Variants in DLG2 observed in about 807,000 individuals in gnomAD.
The protein encoded by DLG2 is disks large homolog 2.
DLG2 carries 45 observed loss-of-function variants against 132.5 expected under a neutral mutation model. The ratio of observed to expected loss-of-function variants is 0.34; its 90% CI spans 0.27 to 0.44. The LOEUF (loss-of-function observed/expected upper bound fraction) is 0.44. Ranked by LOEUF, DLG2 falls within the 20% of genes least tolerant of loss-of-function variation. The pLI is 1.00. For missense variants in DLG2, 1,045 were observed against 1,196.9 expected (o/e 0.87, Z 1.87); for synonymous variants, 424 against 419.6 (o/e 1.01, Z -0.13).
chr11:84,813,580 T>A (rs1781987016), intron 6 of DLG2, among the ~76,000 whole-genome samples: 1 of 152,070 alleles, frequency 6.6e-6, no homozygotes, highest in South Asian at 2.1e-4. Context: ...GGTGTGGGAC[T>A]CAAAGATATG....
intron 18 of DLG2, among the ~76,000 whole-genome samples, chr11:83,727,420 A>G (rs930278326): frequency 1.3e-5 from 2 of 152,192 alleles, no homozygotes; most frequent in African/African-American, 4.8e-5. Flanking sequence ...TGTGGTGCAC[A>G]GGGGAGAGGT....
chr11:84,161,461 G>A (rs771897491), intron 9 of DLG2, among the ~76,000 whole-genome samples: 58 of 152,114 alleles, frequency 3.8e-4, no homozygotes, highest in Non-Finnish European at 7.6e-4. Context: ...GGCAGTTAAT[G>A]GCAGTAACAA....
chr11:83,868,541 C>T (rs375131359), intron 16 of DLG2, among the ~76,000 whole-genome samples: 40 of 151,930 alleles, frequency 2.6e-4, no homozygotes, highest in East Asian at 1.7e-3. Flanking sequence ...TATACATATA[C>T]ATAAATACAC....
intron 7 of DLG2, among the ~76,000 whole-genome samples, chr11:84,493,147 G>A (rs1027530795): frequency 1.3e-5 from 2 of 151,776 alleles, no homozygotes; most frequent in African/African-American, 2.4e-5. Flanking sequence ...ATGTCCATCA[G>A]CTTGGGGACA....
At chr11:83,551,293 C>T (rs1416953104) in intron 19 of DLG2, among the ~76,000 whole-genome samples, 2 of 152,144 alleles carry the variant, frequency 1.3e-5, no homozygotes, top group Non-Finnish European at 2.9e-5. Context: ...CTGTTACTCA[C>T]TGGAATATAA....
chr11:84,280,652 T>G (rs913411934), intron 7 of DLG2, among the ~76,000 whole-genome samples: 3 of 152,090 alleles, frequency 2.0e-5, no homozygotes, highest in Non-Finnish European at 4.4e-5. Flanking sequence ...GAATCCCAGA[T>G]AGTGACTACA....
chr11:83,852,976 T>G (rs899507378), intron 16 of DLG2, among the ~76,000 whole-genome samples: 1 of 152,224 alleles, frequency 6.6e-6, no homozygotes, highest in Non-Finnish European at 1.5e-5. Flanking sequence ...AGTTATTCAT[T>G]AACTATTTCC....
intron 3 of DLG2, among the ~76,000 whole-genome samples, chr11:85,546,357 CTGTT>C (rs1282737019): frequency 6.6e-6 from 1 of 152,126 alleles, no homozygotes; most frequent in Non-Finnish European, 1.5e-5. Context: ...GTCTGAGAGA[CTGTT>C]TGTTATGATT....
At chr11:83,868,967 C>T (rs1440304254) in intron 16 of DLG2, among the ~76,000 whole-genome samples, 2 of 152,118 alleles carry the variant, frequency 1.3e-5, no homozygotes, top group East Asian at 1.9e-4. Context: ...TCCAACGGTC[C>T]CTTAAAAGTT....
intron 7 of DLG2, among the ~76,000 whole-genome samples, chr11:84,434,687 T>G (rs560601873): frequency 2.0e-5 from 3 of 152,150 alleles, no homozygotes; most frequent in African/African-American, 7.2e-5. Context: ...TTTGTGATGC[T>G]ACTGAGTTCT....
chr11:85,428,189 C>A (rs1167048033), intron 3 of DLG2, among the ~76,000 whole-genome samples: 3 of 152,190 alleles, frequency 2.0e-5, no homozygotes, highest in Admixed American at 1.3e-4. Flanking sequence ...GAGACTATAA[C>A]ACCCCACTGT....
chr11:84,608,191 T>C (rs889826669), intron 6 of DLG2, among the ~76,000 whole-genome samples: 1 of 152,188 alleles, frequency 6.6e-6, no homozygotes, highest in Non-Finnish European at 1.5e-5. Flanking sequence ...GCCCTGGCAC[T>C]GGCCAGTGAG....
At chr11:84,678,720 C>T (rs2099721243) in intron 6 of DLG2, among the ~76,000 whole-genome samples, 2 of 151,886 alleles carry the variant, frequency 1.3e-5, no homozygotes. Flanking sequence ...TATATTTATA[C>T]CCTGATTAAA....
At chr11:84,871,896 A>G (rs2085526425) in intron 6 of DLG2, among the ~76,000 whole-genome samples, 1 of 152,086 alleles carries the variant, frequency 6.6e-6, no homozygotes, top group South Asian at 2.1e-4. Flanking sequence ...GCTGCTCTCA[A>G]ACTCCTGACC....
intron 11 of DLG2, among the ~76,000 whole-genome samples, chr11:84,012,871 AC>A (rs1345918374): frequency 6.6e-6 from 1 of 152,124 alleles, no homozygotes; most frequent in Non-Finnish European, 1.5e-5. Context: ...TCTAGCCTTT[AC>A]TTAAATACAC....
chr11:84,583,326 G>A (rs1056708325), intron 6 of DLG2, among the ~76,000 whole-genome samples: 7 of 152,160 alleles, frequency 4.6e-5, no homozygotes, highest in African/African-American at 1.7e-4. Context: ...CACAGATGCA[G>A]AAGATATGTC....
chr11:84,190,415 A>G (rs1354106781), intron 8 of DLG2, among the ~76,000 whole-genome samples: 1 of 152,178 alleles, frequency 6.6e-6, no homozygotes, highest in Non-Finnish European at 1.5e-5. Flanking sequence ...TGGAACCAGA[A>G]AGCAAGTGAA....
intron 18 of DLG2, among the ~76,000 whole-genome samples, chr11:83,708,866 G>C (rs1225498512): frequency 1.3e-5 from 2 of 152,178 alleles, no homozygotes; most frequent in Non-Finnish European, 2.9e-5. Flanking sequence ...TGGATCATGA[G>C]AGAAAGACTT....
At chr11:85,455,972 TTTA>T (rs2092408755) in intron 3 of DLG2, among the ~76,000 whole-genome samples, 1 of 151,822 alleles carries the variant, frequency 6.6e-6, no homozygotes, top group Admixed American at 6.6e-5. Context: ...TGTTCAGCTT[TTTA>T]TTGTGTCTCT....
Sources: gnomAD v4.1 joint callset for allele counts (sites outside exome capture counted in the v4.1 genomes callset) on GRCh38, gnomAD v4.1.1 for gene constraint, MANE v1.5 for transcripts, NCBI Gene and HGNC (gene_info 2026-07-23, HGNC 2026-07-21) for gene names.